BEND5: variants seen among roughly 807,000 people sequenced by gnomAD.
The protein encoded by BEND5 is BEN domain containing 5.
Under a neutral mutation model 43.9 loss-of-function variants are expected in BEND5, and 22 were observed. The ratio of observed to expected loss-of-function variants is 0.50; its 90% CI spans 0.36 to 0.72. The LOEUF (loss-of-function observed/expected upper bound fraction) is 0.72, where lower values mean the gene tolerates loss of function less well. Ranked by LOEUF, BEND5 falls within the 30% of genes least tolerant of loss-of-function variation. BEND5 has a pLI of 0.00. For synonymous variants in BEND5, 228 were observed against 225.9 expected (o/e 1.01, Z -0.08); for missense variants, 428 against 550.6 (o/e 0.78, Z 2.23).
intron 2 of BEND5, 54 bp downstream of exon 2, chr1:48,761,283 G>A (rs144179324): frequency 2.7e-6 from 4 of 1,500,702 alleles, no homozygotes; most frequent in South Asian, 2.6e-5. Flanking sequence ...CTTTAGCTAC[G>A]AGATATCTGA....
Position 48,758,982 on chromosome 1 carries a change from G to A in BEND5, c.663C>T (p.Tyr221=), listed in dbSNP as rs145643434. Residue 221 remains tyrosine (Y), a synonymous_variant, in exon 3 of 6, where the codon TAC becomes TAT. Transcript: ENST00000371833. ...CCTTCATTTCAGACACAAGTGCCCC[G>A]TACTCCTTGAGCTTCTTGGCCTGTT... ...LVQQAKKLKE[Y]GALVSEMKEL... The A allele has an allele frequency of 2.9e-5, 46 of 1,613,104 alleles. 1 individual carries two copies. The South Asian group carries it at 3.5e-4, about 12-fold the overall frequency.
Position 48,727,853 on chromosome 1 carries a change from G to A in BEND5, c.*33C>T. ...GCTCGCAAATCACATGCCACACAAG[G>A]AAAACACGAAAGCTTTATGAAAAAT... On this transcript the variant is annotated 3_prime_UTR_variant, in exon 6 of 6. Transcript: ENST00000371833. 6.3e-7 allele frequency: 1 copy of A among 1,579,280 alleles called. No individual in the cohort carries two copies. The highest frequency in any genetic ancestry group is 1.1e-5 in the South Asian group (1 of 87,292).
chr1:48,734,291 A>G (rs1416222831), intron 5 of BEND5, among the ~76,000 whole-genome samples: 4 of 152,160 alleles, frequency 2.6e-5, no homozygotes, highest in Non-Finnish European at 5.9e-5. Context: ...GAAACCTTAT[A>G]GCTTTGACCT....
At chr1:48,746,450 C>T (rs12023387) in intron 3 of BEND5, among the ~76,000 whole-genome samples, 1 of 151,930 alleles carries the variant, frequency 6.6e-6, no homozygotes, top group African/African-American at 2.4e-5. Flanking sequence ...CCCCTCAAGG[C>T]TCACGAAGGT....
chr1:48,763,661 T>A (rs981444288), intron 1 of BEND5, among the ~76,000 whole-genome samples: 1 of 152,186 alleles, frequency 6.6e-6, no homozygotes, highest in African/African-American at 2.4e-5. Flanking sequence ...TGCTATGCCT[T>A]CCTGCGCTGA....
At chr1:48,767,255 G>A (rs1473543596) in intron 1 of BEND5, among the ~76,000 whole-genome samples, 3 of 152,158 alleles carry the variant, frequency 2.0e-5, no homozygotes, top group East Asian at 1.9e-4. Flanking sequence ...CCAGTGAAGT[G>A]GGGATAATAA....
intron 5 of BEND5, among the ~76,000 whole-genome samples, chr1:48,735,336 C>T (rs1648850299): frequency 6.6e-6 from 1 of 152,008 alleles, no homozygotes; most frequent in African/African-American, 2.4e-5. Context: ...TCTTACCCCT[C>T]TTTGTGTCTT....
intron 1 of BEND5, among the ~76,000 whole-genome samples, chr1:48,773,530 G>A (rs1240990803): frequency 3.3e-5 from 5 of 152,168 alleles, no homozygotes; most frequent in African/African-American, 7.2e-5. Flanking sequence ...GGATGGTAAT[G>A]GAGAAAGAGC....
At chr1:48,741,239 G>A (rs1649866421) in intron 4 of BEND5, among the ~76,000 whole-genome samples, 1 of 152,212 alleles carries the variant, frequency 6.6e-6, no homozygotes, top group African/African-American at 2.4e-5. Context: ...GATTGGGGAA[G>A]GTTCACCAAA....
At chr1:48,760,563 C>G (rs997197464) in intron 2 of BEND5, among the ~76,000 whole-genome samples, 1 of 152,078 alleles carries the variant, frequency 6.6e-6, no homozygotes, top group Non-Finnish European at 1.5e-5. Context: ...ATGTGAGACC[C>G]CTGGAGGCAA....
At chr1:48,754,248 C>T (rs1357121762) in intron 3 of BEND5, among the ~76,000 whole-genome samples, 2 of 152,156 alleles carry the variant, frequency 1.3e-5, no homozygotes, top group African/African-American at 4.8e-5. Flanking sequence ...CACATGGGGG[C>T]TTACCCTCCC....
At chr1:48,751,909 A>C (rs1651799580) in intron 3 of BEND5, among the ~76,000 whole-genome samples, 1 of 152,188 alleles carries the variant, frequency 6.6e-6, no homozygotes, top group Non-Finnish European at 1.5e-5. Flanking sequence ...TTTTAAAATA[A>C]TCTGGGATTA....
intron 3 of BEND5, among the ~76,000 whole-genome samples, chr1:48,749,079 A>G (rs930852210): frequency 6.6e-6 from 1 of 152,092 alleles, no homozygotes; most frequent in Admixed American, 6.5e-5. Flanking sequence ...AAAGAGGTGA[A>G]AAAAGCAGGC....
chr1:48,733,788 G>A (rs1353265789), intron 5 of BEND5, among the ~76,000 whole-genome samples: 1 of 152,186 alleles, frequency 6.6e-6, no homozygotes, highest in Non-Finnish European at 1.5e-5. Context: ...AATTTGGTCA[G>A]GCGATCAGCT....
At chr1:48,735,199 C>T (rs1648826038) in intron 5 of BEND5, among the ~76,000 whole-genome samples, 1 of 152,040 alleles carries the variant, frequency 6.6e-6, no homozygotes, top group African/African-American at 2.4e-5. Context: ...TTAGCAACTA[C>T]TTTATTCTCT....
chr1:48,748,515 G>A (rs72904843), intron 3 of BEND5, among the ~76,000 whole-genome samples: 1,984 of 152,308 alleles, frequency 0.013, 47 homozygotes, highest in African/African-American at 0.046. Context: ...AAAGGAGGGG[G>A]TGCTGCCTCT....
intron 1 of BEND5, among the ~76,000 whole-genome samples, chr1:48,773,395 G>C (rs1295662232): frequency 6.6e-6 from 1 of 152,092 alleles, no homozygotes; most frequent in Non-Finnish European, 1.5e-5. Context: ...GAGGTCAAAG[G>C]TGAGTCAAAC....
At chr1:48,748,071 G>T (rs532132137) in intron 3 of BEND5, among the ~76,000 whole-genome samples, 1 of 152,284 alleles carries the variant, frequency 6.6e-6, no homozygotes, top group Admixed American at 6.5e-5. Flanking sequence ...AACATCTGCT[G>T]TGGCACACAG....
rs1389657517 is a variant in BEND5 at position 48,756,380 on chromosome 1, TG to T, written c.745+2519del. Among the ~76,000 whole-genome samples the T allele has an allele frequency of 1.3e-5, 2 of 152,316 alleles. 1 individual carries two copies. Among genetic ancestry groups the T allele is most frequent in the East Asian group, 3.9e-4 (2 of 5,182 alleles). The stretch of plus-strand genomic sequence containing the variant: ...CTATGATGGCATTTATGTACTGTGC[TG>T]TCATTGATTGTTTCAGGATCTGTTC... On this transcript the variant is annotated intron_variant, in intron 3 of 5. Coordinates refer to ENST00000371833, the MANE Select transcript of BEND5 (RefSeq NM_024603.4).
Sources: gnomAD v4.1 joint callset for allele counts (sites outside exome capture counted in the v4.1 genomes callset) on GRCh38, gnomAD v4.1.1 for gene constraint, MANE v1.5 for transcripts, NCBI Gene and HGNC (gene_info 2026-07-23, HGNC 2026-07-21) for gene names.